XYLT1: variants seen among roughly 807,000 people sequenced by gnomAD.
The protein encoded by XYLT1 is xylosyltransferase 1, also known as beta-D-xylosyltransferase 1.
XYLT1 carries 36 observed loss-of-function variants against 91.3 expected under a neutral mutation model. The ratio of observed to expected loss-of-function variants is 0.39; its 90% confidence interval spans 0.30 to 0.52. XYLT1 has a LOEUF of 0.52. XYLT1 is among the 20% of genes least tolerant of loss of function. The probability of loss-of-function intolerance (pLI) is 0.68; values close to 1 mark genes in which losing one functional copy is unlikely to be tolerated. For missense variants in XYLT1, 1,242 were observed against 1,284.5 expected (o/e 0.97, Z 0.51); for synonymous variants, 588 against 532.0 (o/e 1.11, Z -1.45).
chr16:17,320,342 G>A (rs1448513967), intron 2 of XYLT1, among the ~76,000 whole-genome samples: 3 of 152,102 alleles, frequency 2.0e-5, no homozygotes, highest in African/African-American at 7.2e-5. Flanking sequence ...ATCGCATCAA[G>A]GCCTTCATCT....
intron 1 of XYLT1, among the ~76,000 whole-genome samples, chr16:17,469,047 T>C (rs2036940631): frequency 6.6e-6 from 1 of 152,102 alleles, no homozygotes; most frequent in Non-Finnish European, 1.5e-5. Flanking sequence ...TCCCCGCAAA[T>C]GAGGGAAAGA....
At chr16:17,448,059 T>A (rs2036615423) in intron 1 of XYLT1, among the ~76,000 whole-genome samples, 1 of 152,200 alleles carries the variant, frequency 6.6e-6, no homozygotes, top group Admixed American at 6.5e-5. Flanking sequence ...AAAGGCTATT[T>A]ACTAAATATT....
At chr16:17,431,204 A>G (rs1199586068) in intron 1 of XYLT1, among the ~76,000 whole-genome samples, 2 of 152,194 alleles carry the variant, frequency 1.3e-5, no homozygotes, top group Non-Finnish European at 2.9e-5. Flanking sequence ...CTTTATTTAT[A>G]TAAACACTGA....
intron 3 of XYLT1, among the ~76,000 whole-genome samples, chr16:17,241,264 AG>A (rs2033341622): frequency 6.6e-6 from 1 of 152,254 alleles, no homozygotes; most frequent in South Asian, 2.1e-4. Context: ...GCAATAAACA[AG>A]GGGAGAGAGG....
intron 2 of XYLT1, among the ~76,000 whole-genome samples, chr16:17,298,000 G>A (rs1482254586): frequency 6.6e-6 from 1 of 150,892 alleles, no homozygotes; most frequent in Non-Finnish European, 1.5e-5. Flanking sequence ...CAGCCTGGGC[G>A]ACGAGCGAGA....
At chr16:17,420,784 T>G (rs2036241616) in intron 1 of XYLT1, among the ~76,000 whole-genome samples, 1 of 152,228 alleles carries the variant, frequency 6.6e-6, no homozygotes, top group Non-Finnish European at 1.5e-5. Context: ...TGCCCAATAA[T>G]GACCCCAGGG....
At chr16:17,289,023 G>A (rs914881879) in intron 2 of XYLT1, among the ~76,000 whole-genome samples, 1 of 152,122 alleles carries the variant, frequency 6.6e-6, no homozygotes, top group African/African-American at 2.4e-5. Context: ...ATAAGAGATG[G>A]AGCTGGGATT....
chr16:17,155,324 C>T (rs2141536938), intron 6 of XYLT1, among the ~76,000 whole-genome samples: 1 of 152,188 alleles, frequency 6.6e-6, no homozygotes, highest in East Asian at 1.9e-4. Flanking sequence ...TAAACATACA[C>T]ACAGAAAAAC....
At chr16:17,468,442 A>C (rs2036929458) in intron 1 of XYLT1, among the ~76,000 whole-genome samples, 1 of 152,156 alleles carries the variant, frequency 6.6e-6, no homozygotes, top group African/African-American at 2.4e-5. Flanking sequence ...ATTTGGGGAG[A>C]GTAACTGAAC....
At chr16:17,287,191 C>T (rs899996273) in intron 2 of XYLT1, among the ~76,000 whole-genome samples, 3 of 151,984 alleles carry the variant, frequency 2.0e-5, no homozygotes, top group African/African-American at 2.4e-5. Flanking sequence ...CCAGGCCTGG[C>T]GTGGATCTAG....
chr16:17,346,965 A>G (rs1024315763), intron 2 of XYLT1, among the ~76,000 whole-genome samples: 1 of 152,142 alleles, frequency 6.6e-6, no homozygotes, highest in African/African-American at 2.4e-5. Flanking sequence ...TATTAATAAG[A>G]TACTCTTTTT....
intron 2 of XYLT1, among the ~76,000 whole-genome samples, chr16:17,265,888 G>A (rs953275374): frequency 6.6e-6 from 1 of 152,284 alleles, no homozygotes; most frequent in South Asian, 2.1e-4. Flanking sequence ...TATTGTTTAT[G>A]TAGGAGAAGA....
At position 17,197,028 on chromosome 16, in the gene XYLT1, TATAG is replaced by T. The variant is rs1343056324; in HGVS notation, c.1289+1180_1289+1183del. Among the ~76,000 whole-genome samples, 462 of 83,376 alleles carry T rather than the reference TATAG, an allele frequency of 5.5e-3. 32 individuals carry two copies. The highest frequency in any genetic ancestry group is 0.033 in the South Asian group (64 of 1,944). 54.7% of individuals were successfully genotyped at this position (83,376 alleles called of 152,430 possible). ...TCTGTCTCCAAAATATATATATATA[TATAG>T]ATATATATACCGTTCAGAATATCAT... On this transcript the variant is annotated intron_variant, in intron 5 of 11. Coordinates refer to ENST00000261381, the MANE Select transcript of XYLT1 (RefSeq NM_022166.4).
At chr16:17,329,346 T>TG (rs568377076) in intron 2 of XYLT1, among the ~76,000 whole-genome samples, 142 of 152,298 alleles carry the variant, frequency 9.3e-4, no homozygotes, top group African/African-American at 3.3e-3. Flanking sequence ...TCTTTTACCA[T>TG]GGGGGGATAT....
At chr16:17,295,931 C>A (rs1457950211) in intron 2 of XYLT1, among the ~76,000 whole-genome samples, 1 of 152,170 alleles carries the variant, frequency 6.6e-6, no homozygotes, top group African/African-American at 2.4e-5. Flanking sequence ...AATGAATGAA[C>A]CCCCTCTGTG....
At chr16:17,381,989 A>G (rs1452894879) in intron 1 of XYLT1, among the ~76,000 whole-genome samples, 3 of 151,848 alleles carry the variant, frequency 2.0e-5, no homozygotes, top group African/African-American at 2.4e-5. Context: ...ACAGATGACA[A>G]TACTGAGGCA....
chr16:17,411,427 C>G (rs1177853910), intron 1 of XYLT1, among the ~76,000 whole-genome samples: 1 of 152,140 alleles, frequency 6.6e-6, no homozygotes, highest in Non-Finnish European at 1.5e-5. Flanking sequence ...ACAAGGAATG[C>G]TGCTACTATC....
intron 1 of XYLT1, among the ~76,000 whole-genome samples, chr16:17,361,116 C>T (rs1398285531): frequency 1.3e-5 from 2 of 152,270 alleles, no homozygotes; most frequent in East Asian, 3.9e-4. Context: ...TGGGTTTGCC[C>T]ATTTGACTGC....
intron 2 of XYLT1, among the ~76,000 whole-genome samples, chr16:17,283,037 A>G (rs116701900): frequency 0.012 from 1,873 of 152,160 alleles, 40 homozygotes; most frequent in African/African-American, 0.042. Context: ...CAAACTTCAC[A>G]TATTGCATGC....
Sources: gnomAD v4.1 joint callset for allele counts (sites outside exome capture counted in the v4.1 genomes callset) on GRCh38, gnomAD v4.1.1 for gene constraint, MANE v1.5 for transcripts, NCBI Gene and HGNC (gene_info 2026-07-23, HGNC 2026-07-21) for gene names.